CIAO3: variants seen among roughly 807,000 people sequenced by gnomAD.
The protein encoded by CIAO3 is LET1 like/JFP15.
CIAO3 carries 45 observed loss-of-function variants against 51.5 expected under a neutral mutation model. The ratio of observed to expected loss-of-function variants is 0.87; its 90% CI spans 0.69 to 1.12. The LOEUF (loss-of-function observed/expected upper bound fraction) is 1.12, where lower values mean the gene tolerates loss of function less well. Ranked by LOEUF, CIAO3 falls within the 50% of genes most tolerant of loss-of-function variation. CIAO3 has a pLI of 0.00. For missense variants in CIAO3, 668 were observed against 632.5 expected (o/e 1.06, Z -0.60); for synonymous variants, 314 against 269.3 (o/e 1.17, Z -1.63).
chr16:734,688 T>C, intron 5 of CIAO3, 49 bp downstream of exon 5: 1 of 1,612,720 alleles, frequency 6.2e-7, no homozygotes, highest in Non-Finnish European at 8.5e-7. Context: ...ACCTCACGTT[T>C]CAACTGCACT....
chr16:740,134 C>A, intron 1 of CIAO3: 1 of 1,298,248 alleles, frequency 7.7e-7, no homozygotes, highest in Non-Finnish European at 1.0e-6. Context: ...GCTCAGTGCC[C>A]GGGAAACAAG....
At chr16:739,772 T>C (rs746715457) in intron 1 of CIAO3, 34 bp from the exon 2 acceptor site, 1 of 1,599,818 alleles carries the variant, frequency 6.3e-7, no homozygotes, top group African/African-American at 1.3e-5. Flanking sequence ...TCAGCCCCTG[T>C]GAGTGGGCGG....
Position 731,557 on chromosome 16 carries a change from C to T in CIAO3, c.1034+8G>A, listed in dbSNP as rs1233007508. 1 of 1,560,892 alleles carries T rather than the reference C, an allele frequency of 6.4e-7. No individual in the cohort carries two copies. Among genetic ancestry groups the T allele is most frequent in the East Asian group, 2.4e-5 (1 of 41,540 alleles). ...GCTCTGCCCAGAGATCTGGCCCATCCCACTGACCTCAGGGGTTTGTAGGTA... is the reference window on the plus strand; with the variant it reads ...GCTCTGCCCAGAGATCTGGCCCATCTCACTGACCTCAGGGGTTTGTAGGTA... On this transcript the variant is annotated splice_region_variant and intron_variant, in intron 9 of 10. Transcript: ENST00000251588.
At chr16:735,056 G>A (rs1384709150) in intron 4 of CIAO3, 185 bp from the exon 5 acceptor site, 5 of 790,308 alleles carry the variant, frequency 6.3e-6, no homozygotes, top group Admixed American at 6.7e-5. Flanking sequence ...GCCCCACTGT[G>A]GGGACCTCCT....
Position 732,186 on chromosome 16 carries a change from A to T in CIAO3, c.896+115T>A, listed in dbSNP as rs1325710616. The T allele has an allele frequency of 1.0e-5, 12 of 1,153,882 alleles. No individual in the cohort carries two copies. In the East Asian group the frequency reaches 2.4e-4, roughly 23 times the overall value. The allele number at this position is 1,153,882 out of a possible 1,614,324, so 71.5% of individuals were successfully genotyped here. ...AGCTACTGCGCCTGGCTATCCAGCC[A>T]CTTCTGTGGACGCCAAGATGGGCTG... On this transcript the variant is annotated intron_variant, in intron 8 of 10. Coordinates refer to ENST00000251588, the MANE Select transcript of CIAO3 (RefSeq NM_022493.3).
In CIAO3 at chr16:737,869, G is replaced by C; in HGVS notation, c.163-540C>G. On this transcript the variant is annotated intron_variant, in intron 2 of 10. Coordinates refer to ENST00000251588, the MANE Select transcript of CIAO3 (RefSeq NM_022493.3). This position sits in a 1 kb window ranked among gnomAD's most constrained non-coding sequence, Gnocchi z 5.3. ...AGGTGTTCCAGTCGGGGGCCTCCGGGACATGCCTCAGCAACTTTTCTTACA... is the reference window on the plus strand; with the variant it reads ...AGGTGTTCCAGTCGGGGGCCTCCGGCACATGCCTCAGCAACTTTTCTTACA... 9 of 1,183,336 alleles carry C rather than the reference G, an allele frequency of 7.6e-6. No homozygotes were observed. The highest frequency in any genetic ancestry group is 9.6e-6 in the Non-Finnish European group (9 of 938,694). 73.3% of individuals were successfully genotyped at this position (1,183,336 alleles called of 1,614,324 possible).
chr16:739,761 A>G (rs3752556), intron 1 of CIAO3, 23 bp from the exon 2 acceptor site: 404,086 of 1,609,108 alleles, frequency 0.25, 69,549 homozygotes, highest in East Asian at 0.79. Context: ...GAGACCCCAA[A>G]TCAGCCCCTG....
chr16:737,218 C>T lies in CIAO3; in HGVS notation c.274G>A (p.Glu92Lys), dbSNP rs201910077. The T allele has an allele frequency of 5.3e-4, 849 of 1,613,772 alleles. 2 individuals are homozygous for T. The highest frequency in any genetic ancestry group is 8.9e-4 in the East Asian group (40 of 44,890). Residue 92 changes from glutamate to lysine, a missense_variant, in exon 3 of 11, where the codon GAG (glutamate) becomes AAG (lysine). Coordinates refer to ENST00000251588, the MANE Select transcript of CIAO3 (RefSeq NM_022493.3). This position sits in a 1 kb window ranked among gnomAD's most constrained non-coding sequence, Gnocchi z 5.3. ...ETVLITQQSH[E>K]ELKKVLDANK... ...GCATCTAGAACCTTCTTCAGCTCCTCGTGGCTCTGCTGGGTGATAAGCACG... is the reference window on the plus strand; with the variant it reads ...GCATCTAGAACCTTCTTCAGCTCCTTGTGGCTCTGCTGGGTGATAAGCACG...
chr16:732,239 T>C, intron 8 of CIAO3, 62 bp downstream of exon 8: 2 of 1,515,728 alleles, frequency 1.3e-6, no homozygotes, highest in South Asian at 1.2e-5. Flanking sequence ...AGCAGGGGGA[T>C]GCTATCCTCA....
Position 739,643 on chromosome 16 carries a change from T to G in CIAO3, c.162A>C (p.Gln54His). ...EDDGSYFQINQDGGTRRLEKA... is the reference protein window; with the variant it reads ...EDDGSYFQINHDGGTRRLEKA... ...GGTGGAGCAGCCTCCTGTGCCTTAC[T>G]TGGTTAATTTGGAAGTAGCTCCCGT... Residue 54 changes from glutamine (Q) to histidine (H), a missense_variant and splice_region_variant, in exon 2 of 11, where the codon CAA becomes CAC. Physicochemically the swap from Gln to His is conservative, Grantham distance 24. Transcript: ENST00000251588. The G allele has an allele frequency of 6.2e-7, 1 of 1,614,024 alleles. No individual in the cohort carries two copies. Among genetic ancestry groups the G allele is most frequent in the Non-Finnish European group, 8.5e-7 (1 of 1,179,932 alleles).
chr16:732,650 T>A, intron 7 of CIAO3: 1 of 488,794 alleles, frequency 2.0e-6, no homozygotes, highest in Non-Finnish European at 3.9e-6. Flanking sequence ...TTTTCTTTTT[T>A]TTTTGAGACG....
chr16:735,111 T>G, intron 4 of CIAO3: 1 of 475,850 alleles, frequency 2.1e-6, no homozygotes, highest in Non-Finnish European at 3.7e-6. Context: ...AGGCCTTGGT[T>G]TCCCACCCCA....
At chr16:734,523 C>G (rs1345750537) in intron 5 of CIAO3, 176 bp from the exon 6 acceptor site, 1 of 933,626 alleles carries the variant, frequency 1.1e-6, no homozygotes. Flanking sequence ...GCAGGCGACA[C>G]CGCCTAGGGA....
intron 5 of CIAO3, 85 bp from the exon 6 acceptor site, chr16:734,432 G>A (rs530156835): frequency 2.0e-5 from 20 of 994,402 alleles, no homozygotes; most frequent in East Asian, 9.9e-5. Context: ...TTCTGGGGGC[G>A]GGCCCGCTCA....
rs1567342926 is a variant in CIAO3, at chr16:730,961, G to A, written c.1074C>T (p.Gly358=). ...DFQEVTLEKE[G]QVLLHFAMAY... ...CCATTGCGAAGTGCAGCAGCACCTG[G>A]CCCTCCTTCTCCAGTGTCACCTCCT... Residue 358 remains glycine, a synonymous_variant, in exon 10 of 11, where the codon GGC becomes GGT. Coordinates refer to ENST00000251588, the MANE Select transcript of CIAO3 (RefSeq NM_022493.3). The A allele has an allele frequency of 5.0e-6, 8 of 1,612,884 alleles. No homozygotes were observed. In the Admixed American group the frequency reaches 5.0e-5, roughly 10 times the overall value.
intron 6 of CIAO3, 171 bp from the exon 7 acceptor site, chr16:733,598 G>A (rs1596671651): frequency 4.2e-6 from 4 of 955,028 alleles, no homozygotes; most frequent in East Asian, 2.7e-5. Context: ...TGGACAGGAC[G>A]GGCCCTGGCT....
At chr16:732,071 T>G (rs529606872) in intron 8 of CIAO3, 2 of 561,594 alleles carry the variant, frequency 3.6e-6, no homozygotes, top group Non-Finnish European at 6.3e-6. Context: ...AGAGATGAGG[T>G]TTCACCATGT....
In CIAO3 at chr16:732,157, C is replaced by T. The variant is rs542001763; in HGVS notation, c.896+144G>A. ...CCTCCCAAAGTGCTGGGGTGACAGG[C>T]GTGAGCTACTGCGCCTGGCTATCCA... On this transcript the variant is annotated intron_variant, in intron 8 of 10. Transcript: ENST00000251588. 283 of 848,680 alleles carry T rather than the reference C, an allele frequency of 3.3e-4. No homozygotes were observed. The African/African-American group carries it at 4.0e-3, about 12-fold the overall frequency. The allele number at this position is 848,680 out of a possible 1,614,324, so 52.6% of individuals were successfully genotyped here.
chr16:738,015 G>T, intron 2 of CIAO3: 1 of 1,137,828 alleles, frequency 8.8e-7, no homozygotes, highest in Non-Finnish European at 1.1e-6. Context: ...CGACTGGGTG[G>T]GAACTGTGTG....
Sources: allele counts gnomAD v4.1 joint callset, GRCh38; gene constraint gnomAD v4.1.1; non-coding constraint Gnocchi (gnomAD v3.1); transcripts MANE v1.5; gene names NCBI Gene and HGNC (gene_info 2026-07-23, HGNC 2026-07-21).